KIF1A: variants seen among roughly 807,000 people sequenced by gnomAD.
The protein encoded by KIF1A is kinesin-like protein KIF1A.
In KIF1A, 46 loss-of-function variants were observed where a neutral mutation model predicts 227.3. That is an observed-to-expected ratio of 0.20 (90% confidence interval 0.16 to 0.26). The LOEUF is 0.26. KIF1A is among the 10% of genes least tolerant of loss of function. The pLI is 1.00. For synonymous variants in KIF1A, 1,022 were observed against 1,012.8 expected, an observed-to-expected ratio of 1.01 and a Z score of -0.17; for missense variants, 1,683 against 2,485.9, an observed-to-expected ratio of 0.68 and a Z score of 6.87.
At position 240,726,167 on chromosome 2, in the gene KIF1A, T is replaced by C. The variant is rs1289324965; in HGVS notation, c.4122+659A>G. ...CCAGGTCTGGCCACGGCCTATGTAC[T>C]GCAGACTCTGGGGGTGCTGTGGGGA... On this transcript the variant is annotated intron_variant, in intron 39 of 48. Coordinates refer to ENST00000498729, the MANE Select transcript of KIF1A (RefSeq NM_001244008.2). This position sits in a 1 kb window ranked among gnomAD's most constrained non-coding sequence, Gnocchi z 5.2. Among the ~76,000 whole-genome samples, 3 of 152,196 alleles carry C rather than the reference T, an allele frequency of 2.0e-5. No individual in the cohort carries two copies. Among genetic ancestry groups the C allele is most frequent in the Non-Finnish European group, 2.9e-5 (2 of 68,028 alleles).
chr2:240,724,284 C>A (rs2045735994), intron 40 of KIF1A: 1 of 545,742 alleles, frequency 1.8e-6, no homozygotes, highest in Admixed American at 3.1e-5. Flanking sequence ...GAGGCCAGGC[C>A]CCCACAGCAG....
At chr2:240,781,597 C>G (rs570501031) in intron 10 of KIF1A, among the ~76,000 whole-genome samples, 10 of 152,156 alleles carry the variant, frequency 6.6e-5, no homozygotes, top group African/African-American at 1.7e-4. Context: ...CATTCCCCAG[C>G]GTTCTCTGAC....
Position 240,725,348 on chromosome 2 carries a change from A to G in KIF1A, c.4179T>C (p.Tyr1393=). The G allele has an allele frequency of 6.2e-7, 1 of 1,612,154 alleles. No homozygotes were observed. The highest frequency in any genetic ancestry group is 8.5e-7 in the Non-Finnish European group (1 of 1,179,640). Residue 1393 remains tyrosine, a synonymous_variant, in exon 40 of 49, where the codon TAT becomes TAC. Coordinates refer to ENST00000498729, the MANE Select transcript of KIF1A (RefSeq NM_001244008.2). This position sits in a 1 kb window ranked among gnomAD's most constrained non-coding sequence, Gnocchi z 5.8. ...VVTKDFCMVF[Y]SRDAKLPASR... is the part of the protein sequence containing the mutation. ...AGGCTGGCAGCTTGGCATCACGGGA[A>G]TAGAAGACCATGCAGAAGTCCTTGG... is the stretch of plus-strand genomic sequence containing the variant.
chr2:240,727,570 G>A (rs2046172927), intron 38 of KIF1A, among the ~76,000 whole-genome samples: 1 of 152,220 alleles, frequency 6.6e-6, no homozygotes, highest in Non-Finnish European at 1.5e-5. Context: ...TTGGCATGGA[G>A]GCAGGGTGGC....
intron 32 of KIF1A, 125 bp downstream of exon 32, chr2:240,745,302 T>C (rs2048454904): frequency 2.6e-6 from 2 of 782,836 alleles, no homozygotes; most frequent in African/African-American, 1.7e-5. Flanking sequence ...GCACTGGAGT[T>C]CCCGGTGCAC....
rs2050110995 is a variant in KIF1A, at chr2:240,758,314, T to C, written c.2582+46A>G. ...CCACTCCTACCCCCACTGCCATCTCTCTCTCTCAATCTCTCTCTCTGCCAA... is the reference window on the plus strand; with the variant it reads ...CCACTCCTACCCCCACTGCCATCTCCCTCTCTCAATCTCTCTCTCTGCCAA... On this transcript the variant is annotated intron_variant, in intron 26 of 48. Transcript: ENST00000498729. This position sits in a 1 kb window ranked among gnomAD's most constrained non-coding sequence, Gnocchi z 5.2. The C allele has an allele frequency of 6.3e-7, 1 of 1,581,532 alleles. No homozygotes were observed. The highest frequency in any genetic ancestry group is 2.3e-5 in the East Asian group (1 of 44,384).
chr2:240,789,128 G>A lies in KIF1A; in HGVS notation c.183+108C>T, dbSNP rs908765334. Reference sequence around the variant, plus strand: ...TCCAGGGGAGCAGGGTGGGGTCCTCGCCCCAGTTAGAGAGGAATGAGCGGC... The same window carrying A: ...TCCAGGGGAGCAGGGTGGGGTCCTCACCCCAGTTAGAGAGGAATGAGCGGC... On this transcript the variant is annotated intron_variant, in intron 3 of 48. Transcript: ENST00000498729. This position sits in a 1 kb window ranked among gnomAD's most constrained non-coding sequence, Gnocchi z 4.8. 3.1e-5 allele frequency: 27 copies of A among 882,652 alleles called. No individual in the cohort carries two copies. The highest frequency in any genetic ancestry group is 2.2e-4 in the Admixed American group (11 of 49,232). 54.7% of individuals were successfully genotyped at this position (882,652 alleles called of 1,614,324 possible).
In KIF1A at chr2:240,786,623, A is replaced by G. The variant is rs1208720915; in HGVS notation, c.430-110T>C. On this transcript the variant is annotated intron_variant, in intron 5 of 48. Transcript: ENST00000498729. ...GGGTCAACATAAGGACCCCTGAGTG[A>G]GGAGATGGGGGCCGCCATCAGGACC... is the stretch of plus-strand genomic sequence containing the variant. 3.6e-5 allele frequency: 34 copies of G among 950,204 alleles called. 1 individual carries two copies. The highest frequency in any genetic ancestry group is 5.3e-5 in the Non-Finnish European group (34 of 643,454). The allele number at this position is 950,204 out of a possible 1,614,324, so 58.9% of individuals were successfully genotyped here.
chr2:240,784,275 G>T (rs2054430064), intron 7 of KIF1A, among the ~76,000 whole-genome samples: 1 of 152,134 alleles, frequency 6.6e-6, no homozygotes, highest in Admixed American at 6.5e-5. Flanking sequence ...TCCCAACAGG[G>T]GCACCCGCAG....
chr2:240,807,128 GTGTATATA>G (rs1259081062), intron 1 of KIF1A, among the ~76,000 whole-genome samples: 27 of 91,042 alleles, frequency 3.0e-4, no homozygotes, highest in East Asian at 5.9e-4. Flanking sequence ...GTGTGTGTGT[GTGTATATA>G]TATATATATA....
Position 240,752,195 on chromosome 2 carries a change from A to G in KIF1A, c.2859-1648T>C, listed in dbSNP as rs1490428425. Among the ~76,000 whole-genome samples, 1 of 151,144 alleles carries G rather than the reference A, an allele frequency of 6.6e-6. No individual in the cohort carries two copies. The highest frequency in any genetic ancestry group is 1.5e-5 in the Non-Finnish European group (1 of 67,794). On this transcript the variant is annotated intron_variant, in intron 27 of 48. Coordinates refer to ENST00000498729, the MANE Select transcript of KIF1A (RefSeq NM_001244008.2). This position sits in a 1 kb window ranked among gnomAD's most constrained non-coding sequence, Gnocchi z 6.4. ...CCCGAGAAGCGAGTACCCCACACCA[A>G]TGGAGCCCATCAGGGACTTGTTACC...
intron 15 of KIF1A, 85 bp from the exon 16 acceptor site, chr2:240,769,791 G>T: frequency 8.9e-7 from 1 of 1,117,738 alleles, no homozygotes; most frequent in Non-Finnish European, 1.3e-6. Context: ...AGGAGAAGGA[G>T]CTGCAAAGCA....
rs1296899468 is a variant in KIF1A, at chr2:240,758,488, C to T, written c.2454G>A (p.Leu818=). The T allele has an allele frequency of 6.3e-7, 1 of 1,588,540 alleles. No homozygotes were observed. The highest frequency in any genetic ancestry group is 8.6e-7 in the Non-Finnish European group (1 of 1,166,618). The change falls in exon 26 of 49, where the codon CTG becomes CTA. Residue 818 remains leucine (L), a synonymous_variant. Transcript: ENST00000498729. The surrounding 1 kb of genome is among the most constrained non-coding windows in gnomAD (Gnocchi z 5.2). ...GGTCGTACATCTCCCGCATCAGGTC[C>T]AGACGCTGCCTGCAGGGACGGCAGG... ...YWTLEKLRQR[L]DLMREMYDRA...
rs1016485012 is a variant in KIF1A at position 240,740,805 on chromosome 2, A to C, written c.3750-441T>G. Among the ~76,000 whole-genome samples the C allele has an allele frequency of 2.0e-5, 3 of 152,006 alleles. No individual in the cohort carries two copies. Among genetic ancestry groups the C allele is most frequent in the Non-Finnish European group, 4.4e-5 (3 of 67,978 alleles). On this transcript the variant is annotated intron_variant, in intron 35 of 48. Coordinates refer to ENST00000498729, the MANE Select transcript of KIF1A (RefSeq NM_001244008.2). The surrounding 1 kb of genome is among the most constrained non-coding windows in gnomAD (Gnocchi z 6.1). ...CGAGTCTCCACCAGGCCCCACTCTG[A>C]GCTGCCAGCCACAGCCCAGCTCCCA... is the stretch of plus-strand genomic sequence containing the variant.
chr2:240,764,684 G>A (rs1037538622), intron 20 of KIF1A, among the ~76,000 whole-genome samples: 9 of 152,164 alleles, frequency 5.9e-5, no homozygotes, highest in Non-Finnish European at 7.4e-5. Context: ...CCAGGCCACA[G>A]CACCCAGTGA....
intron 1 of KIF1A, among the ~76,000 whole-genome samples, chr2:240,819,616 C>A (rs1332388778): frequency 2.0e-5 from 3 of 151,822 alleles, no homozygotes; most frequent in Non-Finnish European, 4.4e-5. Flanking sequence ...GCTCTCCCCT[C>A]GGGCCGAGGC....
At chr2:240,722,957 C>T (rs1308589016) in intron 42 of KIF1A, among the ~76,000 whole-genome samples, 1 of 152,218 alleles carries the variant, frequency 6.6e-6, no homozygotes, top group Non-Finnish European at 1.5e-5. Context: ...TGCTGCCTTG[C>T]AGTGCTGGAG....
intron 38 of KIF1A, among the ~76,000 whole-genome samples, chr2:240,734,097 T>A (rs568334942): frequency 6.6e-6 from 1 of 152,334 alleles, no homozygotes; most frequent in East Asian, 1.9e-4. Flanking sequence ...CACAAAAGGA[T>A]GCTCGGTGGC....
At position 240,745,854 on chromosome 2, in the gene KIF1A, C is replaced by T. The variant is rs371982077; in HGVS notation, c.3258G>A (p.Gly1086=). 2 of 1,612,238 alleles carry T rather than the reference C, an allele frequency of 1.2e-6. No homozygotes were observed. Among genetic ancestry groups the T allele is most frequent in the Non-Finnish European group, 1.7e-6 (2 of 1,179,414 alleles). ...GGTGGTCCAGGGCAGCATCCAGGGGCCCATCCAGGGCGGCTTTCTCAGAGC... is the reference window on the plus strand; with the variant it reads ...GGTGGTCCAGGGCAGCATCCAGGGGTCCATCCAGGGCGGCTTTCTCAGAGC... ...LDSSEKAALD[G]PLDAALDHLR... The change falls in exon 31 of 49, where the codon GGG becomes GGA. Residue 1086 remains glycine (G), a synonymous_variant. Coordinates refer to ENST00000498729, the MANE Select transcript of KIF1A (RefSeq NM_001244008.2).
Sources: gnomAD v4.1 joint callset for allele counts (sites outside exome capture counted in the v4.1 genomes callset) on GRCh38, gnomAD v4.1.1 for gene constraint, Gnocchi (gnomAD v3.1) non-coding constraint, MANE v1.5 for transcripts, NCBI Gene and HGNC (gene_info 2026-07-23, HGNC 2026-07-21) for gene names.